TTLL13: variants seen among roughly 807,000 people sequenced by gnomAD.
TTLL13 encodes the protein tubulin polyglutamylase TTLL13.
chr15:90,259,149 G>A, the TTLL13 span: 1 of 1,035,608 alleles, frequency 9.7e-7, no homozygotes, highest in Admixed American at 3.1e-5. Context: ...GATTGCTTGA[G>A]CCCTAGAGTT....
At chr15:90,255,885 A>G in the TTLL13 span, 2 of 1,614,066 alleles carry the variant, frequency 1.2e-6, no homozygotes, top group Non-Finnish European at 1.7e-6. Context: ...CTCCCCGCAG[A>G]GTGAGTGGGT....
the TTLL13 span, chr15:90,258,686 G>T: frequency 1.4e-6 from 2 of 1,430,938 alleles, no homozygotes; most frequent in South Asian, 1.2e-5. Flanking sequence ...GCCTGCAAGA[G>T]GCCACCACCT....
the TTLL13 span, among the ~76,000 whole-genome samples, chr15:90,254,636 G>C: frequency 6.6e-6 from 1 of 151,500 alleles, no homozygotes; most frequent in Non-Finnish European, 1.5e-5. Context: ...TCAGGACTTT[G>C]AGACCAGCCT....
chr15:90,263,010 G>C, the TTLL13 span: 15 of 1,535,984 alleles, frequency 9.8e-6, no homozygotes, highest in Non-Finnish European at 1.3e-5. Flanking sequence ...AAGAAATTGT[G>C]GAAGAGGAGG....
the TTLL13 span, chr15:90,258,299 C>A: frequency 1.2e-6 from 2 of 1,606,022 alleles, no homozygotes; most frequent in Non-Finnish European, 1.7e-6. Flanking sequence ...CTTTGCAAAA[C>A]CAAGGTCCAG....
At chr15:90,259,884 G>A in the TTLL13 span, among the ~76,000 whole-genome samples, 2 of 152,198 alleles carry the variant, frequency 1.3e-5, no homozygotes, top group African/African-American at 4.8e-5. Context: ...ATTTGTTAAT[G>A]ATACATACAA....
chr15:90,256,585 CTTTCTTT>C, the TTLL13 span, among the ~76,000 whole-genome samples: 3 of 34,584 alleles, frequency 8.7e-5, no homozygotes, highest in Non-Finnish European at 1.7e-4. Flanking sequence ...TTCTTTCTTT[CTTTCTTT>C]CTTTCTTTCT....
chr15:90,258,558 C>T, the TTLL13 span: 1 of 624,028 alleles, frequency 1.6e-6, no homozygotes. Flanking sequence ...CTGATTTGCT[C>T]TCACTGGTCT....
chr15:90,252,811 T>C, the TTLL13 span, among the ~76,000 whole-genome samples: 1 of 152,092 alleles, frequency 6.6e-6, no homozygotes, highest in African/African-American at 2.4e-5. Context: ...GAGACCAGAC[T>C]GGCCAACATG....
At chr15:90,253,191 G>A in the TTLL13 span, 7 of 1,460,950 alleles carry the variant, frequency 4.8e-6, no homozygotes, top group Non-Finnish European at 6.7e-6. Flanking sequence ...CAGCTACACA[G>A]TTCCAGGGCT....
chr15:90,253,499 C>A, the TTLL13 span: 1 of 524,674 alleles, frequency 1.9e-6, no homozygotes, highest in Non-Finnish European at 3.4e-6. Context: ...AGACCACCCC[C>A]AGGGTCTTCT....
chr15:90,250,271 C>CA, the TTLL13 span, among the ~76,000 whole-genome samples: 2 of 152,252 alleles, frequency 1.3e-5, no homozygotes, highest in East Asian at 3.9e-4. Context: ...CCCCAGCACT[C>CA]ACAGCCATCC....
the TTLL13 span, chr15:90,264,725 C>G: frequency 8.5e-6 from 13 of 1,535,902 alleles, no homozygotes; most frequent in South Asian, 1.3e-4. Flanking sequence ...TGCAGAAGGA[C>G]AAGCCAGCAG....
the TTLL13 span, chr15:90,258,195 G>A: frequency 1.2e-6 from 2 of 1,614,236 alleles, no homozygotes; most frequent in Non-Finnish European, 1.7e-6. Context: ...TCTGAATGGA[G>A]GTACATGTGC....
chr15:90,254,277 G>C, the TTLL13 span, among the ~76,000 whole-genome samples: 2 of 151,398 alleles, frequency 1.3e-5, no homozygotes, highest in African/African-American at 4.9e-5. Flanking sequence ...GGCGGATCAT[G>C]AGGTCAGGAG....
chr15:90,263,048 A>T, the TTLL13 span: 5 of 1,536,030 alleles, frequency 3.3e-6, no homozygotes, highest in African/African-American at 6.8e-5. Flanking sequence ...GCCCTGCTAC[A>T]AAGGGAGACT....
At chr15:90,251,029 C>T in the TTLL13 span, 2 of 1,148,964 alleles carry the variant, frequency 1.7e-6, no homozygotes, top group Admixed American at 2.7e-5. Context: ...TGTCATTAAC[C>T]CTTTGATACA....
chr15:90,262,340 T>C, the TTLL13 span: 1 of 1,137,794 alleles, frequency 8.8e-7, no homozygotes, highest in Non-Finnish European at 1.2e-6. Context: ...TCTTTTCAGT[T>C]TAGTAGGTTT....
the TTLL13 span, among the ~76,000 whole-genome samples, chr15:90,261,073 T>C: frequency 1.3e-5 from 2 of 151,748 alleles, no homozygotes; most frequent in East Asian, 1.9e-4. Flanking sequence ...TTACCTTTTT[T>C]TCTTGTTTTC....
Sources: allele counts gnomAD v4.1 joint callset (sites outside exome capture counted in the v4.1 genomes callset), GRCh38; gene constraint gnomAD v4.1.1; transcripts MANE v1.5; gene names NCBI Gene and HGNC (gene_info 2026-07-23, HGNC 2026-07-21).